The following PACS2 variants were observed in gnomAD, a reference collection of about 807,000 sequenced individuals.
The protein encoded by PACS2 is PACS1-like protein.
PACS2 carries 36 observed loss-of-function variants against 113.0 expected under a neutral mutation model. The ratio of observed to expected loss-of-function variants is 0.32; its 90% CI spans 0.24 to 0.42. The LOEUF is 0.42. Among genes scored for constraint, PACS2 ranks in the 10% least tolerant of loss-of-function variants. The pLI is 1.00. For synonymous variants in PACS2, 589 were observed against 536.1 expected (o/e 1.10, Z -1.36); for missense variants, 1,015 against 1,239.5 (o/e 0.82, Z 2.72).
intron 19 of PACS2, 172 bp from the exon 20 acceptor site, chr14:105,389,789 G>T: frequency 3.0e-6 from 2 of 667,402 alleles, no homozygotes; most frequent in Non-Finnish European, 5.5e-6. Context: ...AGGGCTGGCA[G>T]TGGTTGGAGA....
chr14:105,320,593 T>C (rs890318566), intron 1 of PACS2, among the ~76,000 whole-genome samples: 16 of 152,324 alleles, frequency 1.1e-4, no homozygotes, highest in Admixed American at 9.2e-4. Context: ...TCCTCTCACC[T>C]TGGCCTCTCA....
intron 9 of PACS2, among the ~76,000 whole-genome samples, chr14:105,378,852 G>C (rs1555411159): frequency 6.6e-6 from 1 of 152,148 alleles, no homozygotes; most frequent in Non-Finnish European, 1.5e-5. Flanking sequence ...TGGTCTGCAA[G>C]GGTCTGGTTT....
rs1764795983 is a variant in PACS2, at chr14:105,324,048, T to A, written c.119+9011T>A. Among the ~76,000 whole-genome samples the A allele has an allele frequency of 6.6e-6, 1 of 152,244 alleles. No individual in the cohort carries two copies. Among genetic ancestry groups the A allele is most frequent in the Non-Finnish European group, 1.5e-5 (1 of 68,044 alleles). ...GGGTCTCCTGCTGGGGACTGGCTTT[T>A]GTGCAGGAGATGGAGGGCAGGGGGC... is the stretch of plus-strand genomic sequence containing the variant. On this transcript the variant is annotated intron_variant, in intron 1 of 24. Coordinates refer to ENST00000447393, the MANE Select transcript of PACS2 (RefSeq NM_001100913.3). This position sits in a 1 kb window ranked among gnomAD's most constrained non-coding sequence, Gnocchi z 4.7.
intron 8 of PACS2, chr14:105,372,248 G>A (rs1161484694): frequency 5.9e-5 from 9 of 152,248 alleles, no homozygotes; most frequent in African/African-American, 1.7e-4. Flanking sequence ...TCAGCTCACA[G>A]CGAAAGCGTC....
intron 1 of PACS2, among the ~76,000 whole-genome samples, chr14:105,320,328 A>T (rs1270625815): frequency 2.0e-5 from 3 of 151,864 alleles, no homozygotes; most frequent in Non-Finnish European, 4.4e-5. Flanking sequence ...TAGTTTAAGC[A>T]TGTTGTATTA....
chr14:105,307,050 T>C (rs1421882229), intron 1 of PACS2, among the ~76,000 whole-genome samples: 1 of 151,360 alleles, frequency 6.6e-6, no homozygotes, highest in Non-Finnish European at 1.5e-5. Context: ...TTTTCTTTTT[T>C]TCTTTTTTTT....
chr14:105,342,351 T>TC lies in PACS2; in HGVS notation c.120-6140dup, dbSNP rs782176517. Among the ~76,000 whole-genome samples, 8 of 151,784 alleles carry TC rather than the reference T, an allele frequency of 5.3e-5. No individual in the cohort carries two copies. In the South Asian group the frequency reaches 1.7e-3, roughly 32 times the overall value. The stretch of plus-strand genomic sequence containing the variant: ...GGTGCAATCACAGCTGACTGCAGCC[T>TC]CCAACTCCTGGGCTCAGGTGATCCT... On this transcript the variant is annotated intron_variant, in intron 1 of 24. Coordinates refer to ENST00000447393, the MANE Select transcript of PACS2 (RefSeq NM_001100913.3).
intron 4 of PACS2, 133 bp from the exon 5 acceptor site, chr14:105,367,080 G>A (rs369867941): frequency 1.3e-5 from 10 of 751,578 alleles, no homozygotes; most frequent in East Asian, 2.7e-5. Flanking sequence ...TCCCTGCCCT[G>A]TGGCTGCCCT....
rs1555417066 is a variant in PACS2 at position 105,397,044 on chromosome 14, A to G, written c.*2372A>G. The G allele has an allele frequency of 6.6e-6, 1 of 152,268 alleles. No homozygotes were observed. Among genetic ancestry groups the G allele is most frequent in the Non-Finnish European group, 1.5e-5 (1 of 68,098 alleles). The allele number at this position is 152,268 out of a possible 1,614,324, so 9.4% of individuals were successfully genotyped here. A position where few individuals can be genotyped will look rare whatever the true frequency, so the allele number is the denominator to read the frequency against. On this transcript the variant is annotated 3_prime_UTR_variant, in exon 25 of 25. Transcript: ENST00000447393. Reference sequence around the variant, plus strand: ...GAGAACATGGGCAGAGTCTCCATCCAGCAGCTGGGGGTTCTGGTGGCACTC... The same window carrying G: ...GAGAACATGGGCAGAGTCTCCATCCGGCAGCTGGGGGTTCTGGTGGCACTC...
intron 1 of PACS2, among the ~76,000 whole-genome samples, chr14:105,306,311 GTTTTGTTTTT>G (rs1348048110): frequency 6.6e-6 from 1 of 151,912 alleles, no homozygotes; most frequent in Non-Finnish European, 1.5e-5. Context: ...GTTTTGTTTT[GTTTTGTTTTT>G]GAGACACAGT....
intron 12 of PACS2, among the ~76,000 whole-genome samples, chr14:105,381,366 T>TC: frequency 6.6e-6 from 1 of 152,166 alleles, no homozygotes; most frequent in Middle Eastern, 3.4e-3. Context: ...TGCCCCCACA[T>TC]CCCCCTGAGT....
chr14:105,316,604 C>T, intron 1 of PACS2, among the ~76,000 whole-genome samples: 1 of 152,092 alleles, frequency 6.6e-6, no homozygotes, highest in East Asian at 1.9e-4. Flanking sequence ...GAGGTGGGGG[C>T]GTGTGGCAGG....
intron 17 of PACS2, 104 bp downstream of exon 17, chr14:105,384,567 C>A: frequency 1.4e-6 from 1 of 718,080 alleles, no homozygotes; most frequent in Non-Finnish European, 2.4e-6. Flanking sequence ...CAGGCTCAGC[C>A]TCAGGGAAGA....
Position 105,357,880 on chromosome 14 carries a change from G to A in PACS2, c.423+2703G>A, listed in dbSNP as rs782428218. Among the ~76,000 whole-genome samples the A allele has an allele frequency of 2.6e-5, 4 of 152,188 alleles. No homozygotes were observed. The highest frequency in any genetic ancestry group is 5.9e-5 in the Non-Finnish European group (4 of 68,034). ...GCATTTGAGAGTAGTGCTCGGCGGTGGGGAAGGGTCCTTGAGGGCACAGGG... is the reference window on the plus strand; with the variant it reads ...GCATTTGAGAGTAGTGCTCGGCGGTAGGGAAGGGTCCTTGAGGGCACAGGG... On this transcript the variant is annotated intron_variant, in intron 4 of 24. Coordinates refer to ENST00000447393, the MANE Select transcript of PACS2 (RefSeq NM_001100913.3). The surrounding 1 kb of genome is among the most constrained non-coding windows in gnomAD (Gnocchi z 5.1).
chr14:105,333,080 C>G (rs2059364778), intron 1 of PACS2, among the ~76,000 whole-genome samples: 1 of 150,850 alleles, frequency 6.6e-6, no homozygotes, highest in African/African-American at 2.5e-5. Context: ...CCATGTAGAC[C>G]AACTGGCGTG....
chr14:105,325,422 G>C (rs1307485425), intron 1 of PACS2, among the ~76,000 whole-genome samples: 1 of 152,208 alleles, frequency 6.6e-6, no homozygotes, highest in Non-Finnish European at 1.5e-5. Flanking sequence ...GGCCTTGCTT[G>C]GCAGAGGAGT....
chr14:105,381,696 G>A (rs1177746543), intron 12 of PACS2, among the ~76,000 whole-genome samples: 4 of 152,222 alleles, frequency 2.6e-5, no homozygotes, highest in African/African-American at 7.2e-5. Flanking sequence ...GGGTCCCATC[G>A]GAGGCACGGC....
At chr14:105,379,067 T>G (rs933959764) in intron 9 of PACS2, among the ~76,000 whole-genome samples, 1 of 151,292 alleles carries the variant, frequency 6.6e-6, no homozygotes, top group Non-Finnish European at 1.5e-5. Context: ...CGGAAAGGCA[T>G]GGATGGCCTG....
chr14:105,321,346 T>C (rs2058879116), intron 1 of PACS2, among the ~76,000 whole-genome samples: 1 of 152,080 alleles, frequency 6.6e-6, no homozygotes, highest in Non-Finnish European at 1.5e-5. Flanking sequence ...TTTCTAACAG[T>C]TCTGTCAGTT....
Sources: gnomAD v4.1 joint callset for allele counts (sites outside exome capture counted in the v4.1 genomes callset) on GRCh38, gnomAD v4.1.1 for gene constraint, Gnocchi (gnomAD v3.1) non-coding constraint, MANE v1.5 for transcripts, NCBI Gene and HGNC (gene_info 2026-07-23, HGNC 2026-07-21) for gene names.